PXDNL: variants seen among roughly 807,000 people sequenced by gnomAD.
The protein encoded by PXDNL is probable oxidoreductase PXDNL.
A neutral mutation model predicts 150.8 loss-of-function variants in PXDNL; 145 were observed. That is an observed-to-expected ratio of 0.96 (90% CI 0.84 to 1.10). The LOEUF is 1.10. PXDNL is among the 50% of genes least tolerant of loss of function. The pLI is 0.00. For missense variants in PXDNL, 2,087 were observed against 1,873.9 expected (o/e 1.11, Z -2.10); for synonymous variants, 757 against 725.7 (o/e 1.04, Z -0.69).
chr8:51,730,242 C>T (rs12548147), intron 1 of PXDNL, among the ~76,000 whole-genome samples: 81,201 of 152,076 alleles, frequency 0.53, 26,508 homozygotes, highest in Non-Finnish European at 0.71. Flanking sequence ...ACTGTCCACT[C>T]AATTTTGCCA....
chr8:51,454,751 G>T (rs912716926), intron 9 of PXDNL, among the ~76,000 whole-genome samples: 1 of 151,984 alleles, frequency 6.6e-6, no homozygotes, highest in African/African-American at 2.4e-5. Flanking sequence ...TAACAATATC[G>T]AATGTCTTAA....
rs554875385 is a variant in PXDNL at position 51,804,814 on chromosome 8, C to A, written c.164+4367G>T. 1.3e-3 allele frequency among the ~76,000 whole-genome samples: 194 copies of A among 152,236 alleles called. 1 individual carries two copies. The highest frequency in any genetic ancestry group is 4.6e-3 in the African/African-American group (190 of 41,542). On this transcript the variant is annotated intron_variant, in intron 1 of 22. Coordinates refer to ENST00000356297, the MANE Select transcript of PXDNL (RefSeq NM_144651.5). ...AGGATATCCTGGCTCCACTGACCTT[C>A]TAAAACAATTTGTCTGTCCATTTGT...
At chr8:51,775,861 G>T (rs1485341679) in intron 1 of PXDNL, among the ~76,000 whole-genome samples, 1 of 152,192 alleles carries the variant, frequency 6.6e-6, no homozygotes, top group Non-Finnish European at 1.5e-5. Flanking sequence ...ATGAGGTCTG[G>T]CTGCCTGAGA....
intron 17 of PXDNL, among the ~76,000 whole-genome samples, chr8:51,402,292 G>A (rs1808276166): frequency 6.6e-6 from 1 of 152,170 alleles, no homozygotes. Flanking sequence ...TACTTTGGGA[G>A]GCTGAAGCAG....
intron 4 of PXDNL, among the ~76,000 whole-genome samples, chr8:51,516,529 T>G (rs1458901648): frequency 6.6e-6 from 1 of 152,258 alleles, no homozygotes; most frequent in Non-Finnish European, 1.5e-5. Flanking sequence ...TTAGGGTTTG[T>G]TGATGGCGCT....
At position 51,778,074 on chromosome 8, in the gene PXDNL, C is replaced by T. The variant is rs77341620; in HGVS notation, c.164+31107G>A. On this transcript the variant is annotated intron_variant, in intron 1 of 22. Coordinates refer to ENST00000356297, the MANE Select transcript of PXDNL (RefSeq NM_144651.5). ...TCAATTGGCCGGGTGTGGTGGCTCA[C>T]GCCTGTGATCCCAGCACTTTGGAAA... 1.2e-3 allele frequency among the ~76,000 whole-genome samples: 189 copies of T among 151,922 alleles called. 1 individual carries two copies. The East Asian group carries it at 0.029, about 24-fold the overall frequency.
At chr8:51,465,198 A>T (rs897220054) in intron 8 of PXDNL, among the ~76,000 whole-genome samples, 12 of 152,166 alleles carry the variant, frequency 7.9e-5, no homozygotes, top group African/African-American at 2.7e-4. Flanking sequence ...CAGAAAGTTG[A>T]TTTACCATGA....
chr8:51,656,986 T>G (rs1402670464), intron 1 of PXDNL, among the ~76,000 whole-genome samples: 1 of 95,784 alleles, frequency 1.0e-5, no homozygotes, highest in Non-Finnish European at 3.0e-5. Context: ...CTCCTTGACT[T>G]ATGACGGGGT....
intron 1 of PXDNL, among the ~76,000 whole-genome samples, chr8:51,662,335 T>C (rs1815292526): frequency 6.6e-6 from 1 of 151,288 alleles, no homozygotes; most frequent in Non-Finnish European, 1.5e-5. Context: ...CTGGCCAATA[T>C]GGTGAAACCC....
intron 17 of PXDNL, among the ~76,000 whole-genome samples, chr8:51,385,398 T>G (rs1337743952): frequency 6.6e-6 from 1 of 152,064 alleles, no homozygotes; most frequent in Non-Finnish European, 1.5e-5. Context: ...ACACACTACA[T>G]AAGATTAGTT....
At chr8:51,777,733 T>A (rs2129246633) in intron 1 of PXDNL, among the ~76,000 whole-genome samples, 1 of 152,196 alleles carries the variant, frequency 6.6e-6, no homozygotes, top group South Asian at 2.1e-4. Context: ...CGAAACCCTG[T>A]CTCTACTAAA....
chr8:51,603,199 G>A (rs1485390226), intron 2 of PXDNL, among the ~76,000 whole-genome samples: 1 of 151,488 alleles, frequency 6.6e-6, no homozygotes, highest in Non-Finnish European at 1.5e-5. Flanking sequence ...CTTTATATAG[G>A]ATAGTTTCTA....
At position 51,374,667 on chromosome 8, in the gene PXDNL, C is replaced by G. The variant is rs375112290; in HGVS notation, c.3622G>C (p.Gly1208Arg). ...ATAAGTGTTGGTCCCACTCTTGTAC[C>G]AGGAATCAGGTCTTCAACCATAAGG... is the stretch of plus-strand genomic sequence containing the variant. ...PALMVEDLIP[G>R]TRVGPTLMCL... Residue 1208 changes from glycine to arginine, a missense_variant, in exon 18 of 23, where the codon GGT (glycine) becomes CGT (arginine). Gly to Arg is a moderately radical substitution (Grantham distance 125). Coordinates refer to ENST00000356297, the MANE Select transcript of PXDNL (RefSeq NM_144651.5). The G allele has an allele frequency of 6.2e-7, 1 of 1,613,696 alleles. No homozygotes were observed. Among genetic ancestry groups the G allele is most frequent in the Non-Finnish European group, 8.5e-7 (1 of 1,179,852 alleles).
At chr8:51,534,450 C>T (rs1343451795) in intron 4 of PXDNL, among the ~76,000 whole-genome samples, 1 of 109,094 alleles carries the variant, frequency 9.2e-6, no homozygotes, top group African/African-American at 4.5e-5. Flanking sequence ...AGCCCCTCTG[C>T]CCGGCCAGCC....
At position 51,565,329 on chromosome 8, in the gene PXDNL, G is replaced by A. The variant is rs138516925; in HGVS notation, c.309-8418C>T. 2.5e-3 allele frequency among the ~76,000 whole-genome samples: 230 copies of A among 91,524 alleles called. 1 individual carries two copies. The highest frequency in any genetic ancestry group is 8.8e-3 in the Admixed American group (90 of 10,200). The allele number at this position is 91,524 out of a possible 152,430, so 60.0% of individuals were successfully genotyped here. A position where few individuals can be genotyped will look rare whatever the true frequency, so the allele number is the denominator to read the frequency against. On this transcript the variant is annotated intron_variant, in intron 3 of 22. Coordinates refer to ENST00000356297, the MANE Select transcript of PXDNL (RefSeq NM_144651.5). ...AAATAAATAAATAAATAAATAGATA[G>A]ATAGATAGATAGATAAATAAATAAA...
chr8:51,401,666 AAG>A (rs1336461119), intron 17 of PXDNL, among the ~76,000 whole-genome samples: 1 of 152,206 alleles, frequency 6.6e-6, no homozygotes, highest in Non-Finnish European at 1.5e-5. Context: ...GCCAGCGAGG[AAG>A]AGACACTACA....
At chr8:51,777,243 T>C (rs529957981) in intron 1 of PXDNL, among the ~76,000 whole-genome samples, 1 of 152,326 alleles carries the variant, frequency 6.6e-6, no homozygotes, top group African/African-American at 2.4e-5. Flanking sequence ...GCAAGTCGCT[T>C]AATGCCTCTA....
chr8:51,652,318 T>A (rs1021977846), intron 2 of PXDNL, among the ~76,000 whole-genome samples: 3 of 152,202 alleles, frequency 2.0e-5, no homozygotes, highest in East Asian at 3.9e-4. Context: ...GACTAACAAA[T>A]TCCTCTGAAG....
intron 12 of PXDNL, among the ~76,000 whole-genome samples, chr8:51,429,702 T>C (rs1809204870): frequency 6.7e-6 from 1 of 150,190 alleles, no homozygotes; most frequent in African/African-American, 2.4e-5. Context: ...TTTTTTTTTT[T>C]TTTTATGAGA....
Sources: allele counts gnomAD v4.1 joint callset (sites outside exome capture counted in the v4.1 genomes callset), GRCh38; gene constraint gnomAD v4.1.1; transcripts MANE v1.5; gene names NCBI Gene and HGNC (gene_info 2026-07-23, HGNC 2026-07-21).